The following ACYP2 variants were observed in gnomAD, a reference collection of about 807,000 sequenced individuals.
ACYP2 encodes the protein acylphosphatase 2.
A neutral mutation model predicts 11.2 loss-of-function variants in ACYP2; 12 were observed. That is an observed-to-expected ratio of 1.08 (90% CI 0.69 to 1.74). ACYP2 has a LOEUF of 1.74. ACYP2 is among the 40% of genes most tolerant of loss of function. The pLI is 0.00. For missense variants in ACYP2, 134 were observed against 101.9 expected (o/e 1.31, Z -1.35); for synonymous variants, 43 against 32.2 (o/e 1.33, Z -1.13).
chr2:54,098,297 G>T (rs182930681), intron 4 of ACYP2, among the ~76,000 whole-genome samples: 36 of 152,116 alleles, frequency 2.4e-4, no homozygotes, highest in African/African-American at 8.4e-4. Context: ...CTTATATCCA[G>T]TTCATTATTA....
chr2:54,118,126 T>G (rs541530094), intron 4 of ACYP2, among the ~76,000 whole-genome samples: 8 of 152,310 alleles, frequency 5.3e-5, no homozygotes, highest in Non-Finnish European at 7.4e-5. Flanking sequence ...CAGGTCAGTT[T>G]TAGGAAGGAA....
intron 2 of ACYP2, among the ~76,000 whole-genome samples, chr2:54,003,255 C>CTTAT (rs771499124): frequency 1.1e-4 from 16 of 151,570 alleles, no homozygotes; most frequent in South Asian, 6.3e-4. Context: ...GCCGAGCTCG[C>CTTAT]TTATTTATTT....
intron 4 of ACYP2, among the ~76,000 whole-genome samples, chr2:54,132,213 C>T (rs1049633785): frequency 1.3e-5 from 2 of 152,112 alleles, no homozygotes; most frequent in Non-Finnish European, 2.9e-5. Flanking sequence ...CTTGTCTTCT[C>T]TCCTGTTTTA....
chr2:54,142,810 C>T (rs1681679603), intron 6 of ACYP2: 1 of 152,034 alleles, frequency 6.6e-6, no homozygotes, highest in Non-Finnish European at 1.5e-5. Flanking sequence ...GATGTTGTTC[C>T]ATTTGCTTAG....
At chr2:54,295,661 A>G (rs948569489) in intron 6 of ACYP2, among the ~76,000 whole-genome samples, 1 of 152,100 alleles carries the variant, frequency 6.6e-6, no homozygotes, top group Admixed American at 6.5e-5. Flanking sequence ...TAATTGACCT[A>G]TGATTGTACA....
At chr2:54,049,050 A>G (rs1675684270) in intron 2 of ACYP2, among the ~76,000 whole-genome samples, 3 of 152,246 alleles carry the variant, frequency 2.0e-5, no homozygotes, top group African/African-American at 7.2e-5. Flanking sequence ...TGAGGTGGGA[A>G]GATCACTTGA....
chr2:54,040,335 T>G (rs796306487), intron 2 of ACYP2, among the ~76,000 whole-genome samples: 76 of 152,240 alleles, frequency 5.0e-4, no homozygotes, highest in African/African-American at 1.6e-3. Context: ...AGTTTAGGAC[T>G]TGTTAAACTT....
chr2:54,276,619 TCACACACACACACA>T (rs3071186), intron 6 of ACYP2, among the ~76,000 whole-genome samples: 63 of 146,212 alleles, frequency 4.3e-4, no homozygotes, highest in South Asian at 6.8e-4. Flanking sequence ...GATTGTTCTT[TCACACACACACACA>T]CACACACACA....
intron 6 of ACYP2, among the ~76,000 whole-genome samples, chr2:54,194,898 T>G (rs1684395838): frequency 6.6e-6 from 1 of 152,194 alleles, no homozygotes; most frequent in African/African-American, 2.4e-5. Flanking sequence ...TCAGAGTTGG[T>G]ATCACTAGTG....
intron 6 of ACYP2, among the ~76,000 whole-genome samples, chr2:54,276,664 A>AC (rs1159434500): frequency 1.2e-3 from 155 of 126,650 alleles, no homozygotes; most frequent in African/African-American, 1.9e-3. Context: ...CACACACACC[A>AC]CACACAAGAA....
chr2:54,070,461 C>T (rs1434959070), intron 4 of ACYP2, among the ~76,000 whole-genome samples: 1 of 152,086 alleles, frequency 6.6e-6, no homozygotes, highest in Non-Finnish European at 1.5e-5. Context: ...TTACACCTAA[C>T]CAGAGCACAC....
intron 6 of ACYP2, among the ~76,000 whole-genome samples, chr2:54,231,992 G>A (rs916457156): frequency 6.6e-6 from 1 of 152,168 alleles, no homozygotes; most frequent in African/African-American, 2.4e-5. Flanking sequence ...TTTAGACTAT[G>A]TATTCTTTTG....
At chr2:53,982,828 CTGTGTGTGTG>C (rs3066946) in intron 2 of ACYP2, among the ~76,000 whole-genome samples, 28,933 of 140,476 alleles carry the variant, frequency 0.21, 3,152 homozygotes, top group South Asian at 0.41. Context: ...TCACACAAGA[CTGTGTGTGTG>C]TGTGTGTGTG....
Position 54,094,574 on chromosome 2 carries a change from A to G in ACYP2, c.277+37214A>G, listed in dbSNP as rs571651120. 5.3e-5 allele frequency among the ~76,000 whole-genome samples: 7 copies of G among 131,686 alleles called. No individual in the cohort carries two copies. The South Asian group carries it at 1.5e-3, about 28-fold the overall frequency. The allele number at this position is 131,686 out of a possible 152,430, so 86.4% of individuals were successfully genotyped here. On this transcript the variant is annotated intron_variant, in intron 4 of 6. Coordinates refer to ENST00000607452, the MANE Select transcript of ACYP2 (RefSeq NM_001320586.2). ...TGTGTTTGAGACATTGTCTTGCTCT[A>G]TCGCCCAGGCTGGAAGGCAGTGGCA... is the stretch of plus-strand genomic sequence containing the variant.
intron 4 of ACYP2, among the ~76,000 whole-genome samples, chr2:54,109,889 T>C (rs986752308): frequency 9.2e-5 from 14 of 152,290 alleles, no homozygotes; most frequent in African/African-American, 3.4e-4. Context: ...TATCTCATTA[T>C]TAACTAAAGT....
At chr2:54,162,520 C>A (rs1682764856) in intron 6 of ACYP2, among the ~76,000 whole-genome samples, 1 of 152,144 alleles carries the variant, frequency 6.6e-6, no homozygotes, top group South Asian at 2.1e-4. Flanking sequence ...CCATGGATAT[C>A]ACCTGGAAGT....
chr2:53,980,509 G>C (rs1046478614), intron 2 of ACYP2, among the ~76,000 whole-genome samples: 1 of 152,028 alleles, frequency 6.6e-6, no homozygotes, highest in African/African-American at 2.4e-5. Context: ...CTTGAGCTAG[G>C]AGTTCAAGAT....
At chr2:54,051,324 CAG>C in intron 3 of ACYP2, 1 of 765,050 alleles carries the variant, frequency 1.3e-6, no homozygotes, top group Non-Finnish European at 2.4e-6. Context: ...GTCAACTTCT[CAG>C]AGTTTTTAAG....
intron 2 of ACYP2, among the ~76,000 whole-genome samples, chr2:54,046,841 C>G (rs907020446): frequency 6.6e-6 from 1 of 152,152 alleles, no homozygotes; most frequent in Non-Finnish European, 1.5e-5. Flanking sequence ...AATTATATAG[C>G]CAATCCTAAT....
Sources: gnomAD v4.1 joint callset for allele counts (sites outside exome capture counted in the v4.1 genomes callset) on GRCh38, gnomAD v4.1.1 for gene constraint, MANE v1.5 for transcripts, NCBI Gene and HGNC (gene_info 2026-07-23, HGNC 2026-07-21) for gene names.